ZMAT4: variants seen among roughly 807,000 people sequenced by gnomAD.
The protein encoded by ZMAT4 is zinc finger matrin-type protein 4.
Under a neutral mutation model 28.7 loss-of-function variants are expected in ZMAT4, and 17 were observed. The observed-to-expected ratio is 0.59, with a 90% CI of 0.41 to 0.89. The LOEUF (loss-of-function observed/expected upper bound fraction) is 0.89, where lower values mean the gene tolerates loss of function less well. ZMAT4 is among the 40% of genes least tolerant of loss of function. The probability of loss-of-function intolerance (pLI) is 0.00; values close to 1 mark genes in which losing one functional copy is unlikely to be tolerated. For synonymous variants in ZMAT4, 117 were observed against 109.2 expected (o/e 1.07, Z -0.44); for missense variants, 240 against 283.8 (o/e 0.85, Z 1.11).
chr8:40,538,131 C>T (rs1431575333), intron 6 of ZMAT4, among the ~76,000 whole-genome samples: 2 of 152,174 alleles, frequency 1.3e-5, no homozygotes, highest in East Asian at 1.9e-4. Flanking sequence ...AACATCAATA[C>T]AGACTTTAAG....
At chr8:40,674,623 A>C (rs10504034) in intron 5 of ZMAT4, 81 bp downstream of exon 5, 244,511 of 1,141,844 alleles carry the variant, frequency 0.21, 27,924 homozygotes, top group African/African-American at 0.38. Flanking sequence ...AGCAAGAAGA[A>C]GAATCATTCC....
intron 5 of ZMAT4, among the ~76,000 whole-genome samples, chr8:40,615,755 C>T (rs376707820): frequency 7.1e-4 from 108 of 152,162 alleles, no homozygotes; most frequent in Non-Finnish European, 1.3e-3. Flanking sequence ...AAGTAGTTCT[C>T]GTGCCATGGT....
chr8:40,760,413 C>T (rs2150555111), intron 3 of ZMAT4, among the ~76,000 whole-genome samples: 1 of 152,324 alleles, frequency 6.6e-6, no homozygotes, highest in South Asian at 2.1e-4. Flanking sequence ...GCCCCTCCTA[C>T]TGGCCAACCC....
At chr8:40,776,341 T>C (rs1813596295) in intron 2 of ZMAT4, among the ~76,000 whole-genome samples, 1 of 152,228 alleles carries the variant, frequency 6.6e-6, no homozygotes, top group Non-Finnish European at 1.5e-5. Flanking sequence ...AAAAAAATCA[T>C]GTACGGTGGG....
chr8:40,601,453 GAAGGGAGGAAGA>G (rs1805311596), intron 5 of ZMAT4, among the ~76,000 whole-genome samples: 2 of 70,674 alleles, frequency 2.8e-5, no homozygotes, highest in Admixed American at 3.2e-4. Flanking sequence ...AGGAAGGAAG[GAAGGGAGGAAGA>G]AAGGAAAGAA....
At chr8:40,629,964 T>A (rs1250473100) in intron 5 of ZMAT4, among the ~76,000 whole-genome samples, 1 of 152,138 alleles carries the variant, frequency 6.6e-6, no homozygotes, top group Non-Finnish European at 1.5e-5. Context: ...TAGTTGTAGA[T>A]CCCTGAGGAA....
chr8:40,589,546 T>C (rs72636933), intron 5 of ZMAT4, among the ~76,000 whole-genome samples: 33,936 of 152,088 alleles, frequency 0.22, 4,447 homozygotes, highest in Non-Finnish European at 0.3. Context: ...TAGAAATCTA[T>C]ATATTTTTAA....
At chr8:40,880,075 T>G (rs1007462240) in intron 1 of ZMAT4, among the ~76,000 whole-genome samples, 7 of 152,124 alleles carry the variant, frequency 4.6e-5, no homozygotes, top group Admixed American at 3.3e-4. Context: ...AATCAAAAGG[T>G]GCAGAAATCC....
At chr8:40,721,996 T>G (rs1327116774) in intron 3 of ZMAT4, among the ~76,000 whole-genome samples, 1 of 151,918 alleles carries the variant, frequency 6.6e-6, no homozygotes, top group Non-Finnish European at 1.5e-5. Flanking sequence ...ACTGGATCCC[T>G]TCCTTACACC....
Position 40,848,953 on chromosome 8 carries a change from T to C in ZMAT4, c.-4-23273A>G, listed in dbSNP as rs1054296641. Among the ~76,000 whole-genome samples, 9 of 152,200 alleles carry C rather than the reference T, an allele frequency of 5.9e-5. No homozygotes were observed. The South Asian group carries it at 1.9e-3, about 32-fold the overall frequency. On this transcript the variant is annotated intron_variant, in intron 1 of 6. Transcript: ENST00000297737. The stretch of plus-strand genomic sequence containing the variant: ...ACCTGCTTTGGAAATGACTCCAGAC[T>C]CAGCAGCAAGGAGCTCTCCAAGGTC...
intron 5 of ZMAT4, among the ~76,000 whole-genome samples, chr8:40,631,168 T>G (rs1806563855): frequency 7.2e-6 from 1 of 139,086 alleles, no homozygotes; most frequent in Non-Finnish European, 1.6e-5. Flanking sequence ...CTACTTTATT[T>G]TTTTGTTTGT....
intron 5 of ZMAT4, among the ~76,000 whole-genome samples, chr8:40,643,043 A>G (rs973141746): frequency 3.9e-5 from 6 of 152,238 alleles, no homozygotes; most frequent in African/African-American, 1.4e-4. Flanking sequence ...TGAAGATACC[A>G]TGGAGGCCAT....
intron 4 of ZMAT4, chr8:40,690,812 C>A (rs1563413897): frequency 1.3e-6 from 1 of 798,744 alleles, no homozygotes; most frequent in East Asian, 1.3e-4. Flanking sequence ...CTCTAATTTT[C>A]AACAGGAAAT....
rs1210584008 is a variant in ZMAT4 at position 40,566,266 on chromosome 8, G to A, written c.674+14899C>T. On this transcript the variant is annotated intron_variant, in intron 6 of 6. Coordinates refer to ENST00000297737, the MANE Select transcript of ZMAT4 (RefSeq NM_024645.3). ...GAAATATCACTTGCATGCTCCAAAA[G>A]GTTGACTAGTTATTTTATACTGGGT... Among the ~76,000 whole-genome samples, 3 of 152,080 alleles carry A rather than the reference G, an allele frequency of 2.0e-5. No homozygotes were observed. In the East Asian group the frequency reaches 5.8e-4, roughly 29 times the overall value.
At chr8:40,585,100 A>G (rs1031986348) in intron 5 of ZMAT4, among the ~76,000 whole-genome samples, 7 of 152,128 alleles carry the variant, frequency 4.6e-5, no homozygotes, top group African/African-American at 1.7e-4. Flanking sequence ...TGAAATGTAT[A>G]TAGTAAGCTA....
intron 1 of ZMAT4, among the ~76,000 whole-genome samples, chr8:40,892,881 C>A (rs912303471): frequency 6.6e-6 from 1 of 152,234 alleles, no homozygotes; most frequent in African/African-American, 2.4e-5. Context: ...GATGCCTGCA[C>A]TCCATGGCCC....
At chr8:40,851,358 A>AG (rs1179024897) in intron 1 of ZMAT4, among the ~76,000 whole-genome samples, 3 of 152,154 alleles carry the variant, frequency 2.0e-5, no homozygotes, top group African/African-American at 4.8e-5. Context: ...ACAAAAAAAA[A>AG]CTTAACTATA....
chr8:40,838,194 C>A (rs1473715261), intron 1 of ZMAT4, among the ~76,000 whole-genome samples: 1 of 152,232 alleles, frequency 6.6e-6, no homozygotes, highest in East Asian at 1.9e-4. Flanking sequence ...CAAATCCGTT[C>A]TTCACGCCTT....
chr8:40,796,983 G>C (rs910971725), intron 2 of ZMAT4, among the ~76,000 whole-genome samples: 3 of 152,134 alleles, frequency 2.0e-5, no homozygotes, highest in Non-Finnish European at 2.9e-5. Flanking sequence ...ACCTCCAGGG[G>C]CCACAGGCAG....
Sources: gnomAD v4.1 joint callset for allele counts (sites outside exome capture counted in the v4.1 genomes callset) on GRCh38, gnomAD v4.1.1 for gene constraint, MANE v1.5 for transcripts, NCBI Gene and HGNC (gene_info 2026-07-23, HGNC 2026-07-21) for gene names.